KIF21A: variants seen among roughly 807,000 people sequenced by gnomAD.
The protein encoded by KIF21A is kinesin-like protein KIF21A.
KIF21A carries 114 observed loss-of-function variants against 202.9 expected under a neutral mutation model. The observed-to-expected ratio is 0.56, with a 90% confidence interval of 0.48 to 0.66. The LOEUF (loss-of-function observed/expected upper bound fraction) is 0.66, where lower values mean the gene tolerates loss of function less well. KIF21A is among the 30% of genes least tolerant of loss of function. The pLI, the probability that KIF21A is intolerant of heterozygous loss-of-function variation, is 0.00. For missense variants in KIF21A, 1,677 were observed against 1,994.9 expected, an observed-to-expected ratio of 0.84 and a Z score of 3.04; for synonymous variants, 667 against 670.8, an observed-to-expected ratio of 0.99 and a Z score of 0.09.
intron 7 of KIF21A, among the ~76,000 whole-genome samples, chr12:39,359,836 A>C (rs1949070042): frequency 6.6e-6 from 1 of 152,232 alleles, no homozygotes; most frequent in Non-Finnish European, 1.5e-5. Context: ...GTAATGCAGA[A>C]ATTGCAAGTA....
At chr12:39,438,397 T>C (rs1939113792) in intron 1 of KIF21A, among the ~76,000 whole-genome samples, 1 of 152,156 alleles carries the variant, frequency 6.6e-6, no homozygotes, top group Non-Finnish European at 1.5e-5. Flanking sequence ...AGACTGCACA[T>C]GAAAAGTTCT....
chr12:39,401,101 C>T (rs1567738), intron 1 of KIF21A, among the ~76,000 whole-genome samples: 1,664 of 152,262 alleles, frequency 0.011, 38 homozygotes, highest in African/African-American at 0.036. Flanking sequence ...TTTACCCTCA[C>T]AGAGTCTGCA....
chr12:39,295,460 A>G (rs1942215791), intron 37 of KIF21A, among the ~76,000 whole-genome samples: 4 of 152,124 alleles, frequency 2.6e-5, no homozygotes, highest in Admixed American at 2.6e-4. Flanking sequence ...ATCCCAAGGG[A>G]AAAAAGGTTT....
intron 35 of KIF21A, 76 bp downstream of exon 35, chr12:39,304,745 G>T: frequency 2.5e-6 from 2 of 789,328 alleles, no homozygotes; most frequent in South Asian, 1.5e-5. Context: ...AAGAGAAAGA[G>T]GTCCTAGATG....
intron 16 of KIF21A, chr12:39,337,666 G>A (rs1189738458): frequency 1.2e-5 from 2 of 170,884 alleles, no homozygotes; most frequent in Non-Finnish European, 2.5e-5. Context: ...AATAATTTTA[G>A]CTACTGTTGT....
At chr12:39,400,384 C>A (rs1013819832) in intron 1 of KIF21A, among the ~76,000 whole-genome samples, 1 of 152,106 alleles carries the variant, frequency 6.6e-6, no homozygotes, top group Non-Finnish European at 1.5e-5. Context: ...CAACCCATCA[C>A]CTAGGTATTA....
At chr12:39,348,830 T>G (rs1948123601) in intron 11 of KIF21A, among the ~76,000 whole-genome samples, 1 of 151,910 alleles carries the variant, frequency 6.6e-6, no homozygotes, top group East Asian at 1.9e-4. Context: ...TTTTCTACTC[T>G]TTTTTTCATT....
At chr12:39,319,552 G>A (rs1015782054) in intron 28 of KIF21A, among the ~76,000 whole-genome samples, 8 of 152,052 alleles carry the variant, frequency 5.3e-5, no homozygotes, top group South Asian at 2.1e-4. Flanking sequence ...TGGCAATGAC[G>A]GTCAAAATTA....
intron 6 of KIF21A, among the ~76,000 whole-genome samples, 178 bp downstream of exon 6, chr12:39,366,171 AG>A (rs1306710942): frequency 3.9e-5 from 6 of 152,216 alleles, no homozygotes; most frequent in African/African-American, 1.4e-4. Flanking sequence ...ATATAAAAAC[AG>A]AAAAAAGCCT....
chr12:39,367,798 T>A lies in KIF21A; in HGVS notation c.600+85A>T. The A allele has an allele frequency of 6.7e-6, 7 of 1,047,058 alleles. No homozygotes were observed. In the Admixed American group the frequency reaches 9.5e-5, roughly 14 times the overall value. The allele number at this position is 1,047,058 out of a possible 1,614,324, so 64.9% of individuals were successfully genotyped here. On this transcript the variant is annotated intron_variant, in intron 4 of 37. Transcript: ENST00000361418. ...CATGCTTCAGGATATAAATTTCATA[T>A]CTTGATCTTAAGCAGATTATCAGCA...
intron 12 of KIF21A, among the ~76,000 whole-genome samples, chr12:39,345,718 AG>A (rs1469657589): frequency 1.3e-5 from 2 of 151,916 alleles, no homozygotes; most frequent in Non-Finnish European, 2.9e-5. Context: ...AGATTTGTTT[AG>A]GAAAATCTAT....
intron 18 of KIF21A, 35 bp from the exon 19 acceptor site, chr12:39,333,142 G>C: frequency 6.2e-7 from 1 of 1,606,252 alleles, no homozygotes; most frequent in Non-Finnish European, 8.5e-7. Context: ...CATTCTCTTA[G>C]TCTATAGAAA....
intron 1 of KIF21A, among the ~76,000 whole-genome samples, chr12:39,393,792 G>T (rs1213336181): frequency 6.6e-6 from 1 of 152,194 alleles, no homozygotes; most frequent in Non-Finnish European, 1.5e-5. Flanking sequence ...CAATGTGCCT[G>T]GCACTGAGGT....
At chr12:39,438,579 GA>G (rs1384159218) in intron 1 of KIF21A, among the ~76,000 whole-genome samples, 2 of 152,146 alleles carry the variant, frequency 1.3e-5, no homozygotes, top group Non-Finnish European at 2.9e-5. Context: ...TTGGTAAGGT[GA>G]AAACCTAGCA....
chr12:39,357,575 T>C (rs1179763719), intron 8 of KIF21A, 138 bp from the exon 9 acceptor site: 2 of 728,846 alleles, frequency 2.7e-6, no homozygotes, highest in African/African-American at 3.5e-5. Flanking sequence ...AAAGAAATCC[T>C]TTCACCTCTA....
rs77245427 is a variant in KIF21A at position 39,323,440 on chromosome 12, T to G, written c.3457-558A>C. Among the ~76,000 whole-genome samples, 823 of 152,354 alleles carry G rather than the reference T, an allele frequency of 5.4e-3. 10 individuals carry two copies. The highest frequency in any genetic ancestry group is 0.018 in the African/African-American group (769 of 41,584). ...CTTAATTTCTTTTTCTAATACAATT[T>G]TTTTTCAATTATTGTAAGCCTCTTC... On this transcript the variant is annotated intron_variant, in intron 26 of 37. Transcript: ENST00000361418.
At chr12:39,439,151 T>C (rs1283713648) in intron 1 of KIF21A, among the ~76,000 whole-genome samples, 1 of 152,178 alleles carries the variant, frequency 6.6e-6, no homozygotes, top group Admixed American at 6.5e-5. Context: ...TGTGCGTACA[T>C]GCATATCCAC....
At chr12:39,417,621 AT>A (rs752569960) in intron 1 of KIF21A, among the ~76,000 whole-genome samples, 52 of 152,266 alleles carry the variant, frequency 3.4e-4, no homozygotes, top group South Asian at 6.2e-4. Flanking sequence ...AGCAATACCA[AT>A]AACACTTAAT....
chr12:39,295,692 G>GTTTTTTTTTTTTTTTTTTTTTTTTT (rs1054983568), intron 37 of KIF21A, among the ~76,000 whole-genome samples: 1 of 78,086 alleles, frequency 1.3e-5, no homozygotes. Context: ...CTTGGGATAT[G>GTTTTTTTTTTTTTTTTTTTTTTTTT]TTTTTTTTTT....
Sources: allele counts gnomAD v4.1 joint callset (sites outside exome capture counted in the v4.1 genomes callset), GRCh38; gene constraint gnomAD v4.1.1; transcripts MANE v1.5; gene names NCBI Gene and HGNC (gene_info 2026-07-23, HGNC 2026-07-21).